The following HOXC4 variants were observed in gnomAD, a reference collection of about 807,000 sequenced individuals.
HOXC4 encodes the protein homeobox protein Hox-C4.
In HOXC4, 15 loss-of-function variants were observed where a neutral mutation model predicts 25.5. That is an observed-to-expected ratio of 0.59 (90% confidence interval 0.39 to 0.91). The LOEUF (loss-of-function observed/expected upper bound fraction) is 0.91, where lower values mean the gene tolerates loss of function less well. HOXC4 is among the 40% of genes least tolerant of loss of function. The pLI is 0.00. For synonymous variants in HOXC4, 165 were observed against 148.0 expected, an observed-to-expected ratio of 1.11 and a Z score of -0.83; for missense variants, 342 against 352.4, an observed-to-expected ratio of 0.97 and a Z score of 0.24.
intron 1 of HOXC4, among the ~76,000 whole-genome samples, chr12:54,025,536 G>C (rs1401744868): frequency 1.8e-5 from 1 of 55,404 alleles, no homozygotes; most frequent in Non-Finnish European, 6.2e-5. Flanking sequence ...TTGGGGGGGG[G>C]GGAGGTGTTG....
At chr12:54,028,860 C>A (rs771424142) in intron 1 of HOXC4, 1 of 1,613,984 alleles carries the variant, frequency 6.2e-7, no homozygotes, top group East Asian at 2.2e-5. Context: ...GGACTGCGCC[C>A]CAGGACCAGA....
intron 1 of HOXC4, among the ~76,000 whole-genome samples, chr12:54,041,982 T>C (rs111589952): frequency 0.012 from 1,657 of 140,054 alleles, 27 homozygotes; most frequent in African/African-American, 0.043. Flanking sequence ...CTTTTCTTTT[T>C]TTTTTTTTTT....
intron 1 of HOXC4, among the ~76,000 whole-genome samples, chr12:54,019,551 T>C (rs1022800268): frequency 1.3e-5 from 2 of 152,114 alleles, no homozygotes; most frequent in African/African-American, 4.8e-5. Context: ...CCCCCGCCCC[T>C]GTGGATGGCC....
chr12:54,050,546 AC>A (rs937984298), upstream of HOXC4, among the ~76,000 whole-genome samples: 1 of 151,714 alleles, frequency 6.6e-6, no homozygotes, highest in Non-Finnish European at 1.5e-5. Flanking sequence ...CTGCTTTAGT[AC>A]CCCCACCCCC....
intron 1 of HOXC4, chr12:54,035,293 ATT>A (rs957414157): frequency 6.5e-6 from 1 of 152,690 alleles, no homozygotes; most frequent in African/African-American, 2.4e-5. Context: ...TTGTCCAACT[ATT>A]TATTGACTCT....
At chr12:54,021,571 G>C (rs1229801373) in intron 1 of HOXC4, 1 of 152,228 alleles carries the variant, frequency 6.6e-6, no homozygotes, top group African/African-American at 2.4e-5. Flanking sequence ...GGGGTTTTCC[G>C]CTACTCTCTC....
At chr12:54,050,470 G>T (rs554503034), upstream of HOXC4, among the ~76,000 whole-genome samples, 1 of 152,198 alleles carries the variant, frequency 6.6e-6, no homozygotes, top group Non-Finnish European at 1.5e-5. Context: ...CCAGCAAGGC[G>T]GGAGGCAGGA....
At chr12:54,022,244 T>A (rs1205726324) in intron 1 of HOXC4, 1 of 152,056 alleles carries the variant, frequency 6.6e-6, no homozygotes, top group Non-Finnish European at 1.5e-5. Context: ...ATCAGGGTAA[T>A]GTTGGTGGAT....
intron 1 of HOXC4, chr12:54,034,846 G>A (rs887440246): frequency 3.3e-6 from 1 of 305,008 alleles, no homozygotes; most frequent in African/African-American, 2.1e-5. Context: ...GCCCTCCCGA[G>A]TTAAGGTGGG....
intron 1 of HOXC4, chr12:54,033,590 C>G (rs753354430): frequency 3.9e-6 from 6 of 1,538,314 alleles, no homozygotes; most frequent in Middle Eastern, 2.3e-4. Context: ...AACTTTAGGA[C>G]TTCATTTTGC....
At chr12:54,040,119 T>C (rs866729529) in intron 1 of HOXC4, among the ~76,000 whole-genome samples, 3 of 152,346 alleles carry the variant, frequency 2.0e-5, no homozygotes, top group Middle Eastern at 6.8e-3. Context: ...AAAGGAGGCC[T>C]GAAATTCTTG....
chr12:54,040,224 G>A (rs1428407852), intron 1 of HOXC4, among the ~76,000 whole-genome samples: 1 of 152,156 alleles, frequency 6.6e-6, no homozygotes, highest in Non-Finnish European at 1.5e-5. Context: ...GCCAACCCGG[G>A]AAGCTTTTAA....
chr12:54,035,278 T>C (rs1941159022), intron 1 of HOXC4: 1 of 152,698 alleles, frequency 6.5e-6, no homozygotes, highest in Non-Finnish European at 1.5e-5. Context: ...CCTGACCCAT[T>C]GCTGTTGTCC....
intron 1 of HOXC4, among the ~76,000 whole-genome samples, chr12:54,045,879 G>C (rs908809605): frequency 6.6e-6 from 1 of 152,152 alleles, no homozygotes; most frequent in Non-Finnish European, 1.5e-5. Context: ...AGGGGTCATA[G>C]ACTGCCTCCA....
intron 1 of HOXC4, among the ~76,000 whole-genome samples, chr12:54,042,651 G>C (rs1410049366): frequency 6.6e-6 from 1 of 152,216 alleles, no homozygotes; most frequent in Admixed American, 6.5e-5. Context: ...ACCACCCTGA[G>C]CCTCTTCTTT....
At chr12:54,047,282 C>A (rs928304810) in intron 1 of HOXC4, among the ~76,000 whole-genome samples, 1 of 152,250 alleles carries the variant, frequency 6.6e-6, no homozygotes, top group African/African-American at 2.4e-5. Flanking sequence ...GTTTTCCTAT[C>A]AGAGAATAAT....
chr12:54,045,716 T>G (rs895585895), intron 1 of HOXC4, among the ~76,000 whole-genome samples: 7 of 152,200 alleles, frequency 4.6e-5, no homozygotes, highest in African/African-American at 1.7e-4. Context: ...TATCTCTGTG[T>G]CTATGATATA....
At chr12:54,043,954 G>GTGTGTA (rs1937638184) in intron 1 of HOXC4, among the ~76,000 whole-genome samples, 1 of 139,398 alleles carries the variant, frequency 7.2e-6, no homozygotes, top group African/African-American at 2.7e-5. Context: ...GTGTGTGTGT[G>GTGTGTA]TGTGTGTGTG....
Position 54,054,111 on chromosome 12 carries a change from T to G in HOXC4, c.189T>G (p.Pro63=). 6.2e-7 allele frequency: 1 copy of G among 1,613,992 alleles called. No individual in the cohort carries two copies. Among genetic ancestry groups the G allele is most frequent in the Non-Finnish European group, 8.5e-7 (1 of 1,179,972 alleles). ...YPPPPPRPSY[P]ERQYSCTSLQ... is the part of the protein sequence containing the mutation. ...CACCGCCTCCGCGCCCTAGCTACCC[T>G]GAGCGCCAGTATAGCTGCACCAGTC... Residue 63 remains proline, a synonymous_variant, in exon 1 of 2, where the codon CCT becomes CCG. Coordinates refer to ENST00000430889, the MANE Select transcript of HOXC4 (RefSeq NM_153633.3).
Sources: gnomAD v4.1 joint callset for allele counts (sites outside exome capture counted in the v4.1 genomes callset) on GRCh38, gnomAD v4.1.1 for gene constraint, MANE v1.5 for transcripts, NCBI Gene and HGNC (gene_info 2026-07-23, HGNC 2026-07-21) for gene names.